TCF3: variants seen among roughly 807,000 people sequenced by gnomAD.
TCF3 encodes transcription factor 3, also known as transcription factor E2-alpha.
Under a neutral mutation model 72.3 loss-of-function variants are expected in TCF3, and 54 were observed. That is an observed-to-expected ratio of 0.75 (90% CI 0.60 to 0.94). The LOEUF is 0.94. Among genes scored for constraint, TCF3 ranks in the 40% least tolerant of loss-of-function variants. The pLI, the probability that TCF3 is intolerant of heterozygous loss-of-function variation, is 0.00. For missense variants in TCF3, 1,078 were observed against 934.4 expected, an observed-to-expected ratio of 1.15 and a Z score of -2.00; for synonymous variants, 525 against 412.6, an observed-to-expected ratio of 1.27 and a Z score of -3.30.
intron 7 of TCF3, 43 bp from the exon 8 acceptor site, chr19:1,624,043 GAAC>G (rs753885600): frequency 6.3e-6 from 10 of 1,595,334 alleles, no homozygotes; most frequent in African/African-American, 1.3e-5. Context: ...CCGGCCATGA[GAAC>G]AACCCCTGCC....
chr19:1,620,125 G>A (rs371433575), intron 13 of TCF3, among the ~76,000 whole-genome samples: 6 of 152,044 alleles, frequency 3.9e-5, no homozygotes, highest in Non-Finnish European at 5.9e-5. Context: ...AAAGTGGCTC[G>A]GCAGCACACA....
intron 5 of TCF3, among the ~76,000 whole-genome samples, chr19:1,627,756 G>T (rs991215641): frequency 6.6e-6 from 1 of 151,594 alleles, no homozygotes; most frequent in Non-Finnish European, 1.5e-5. Context: ...GGGGCGGAAA[G>T]GGGACAGCAG....
intron 3 of TCF3, among the ~76,000 whole-genome samples, chr19:1,634,420 G>C (rs900115128): frequency 6.6e-6 from 1 of 152,246 alleles, no homozygotes; most frequent in African/African-American, 2.4e-5. Flanking sequence ...TGCCTCGGGA[G>C]AGGCCTGCGA....
At position 1,615,391 on chromosome 19, in the gene TCF3, C is replaced by T; in HGVS notation, c.1716G>A (p.Leu572=). 1 of 1,614,114 alleles carries T rather than the reference C, an allele frequency of 6.2e-7. No individual in the cohort carries two copies. The highest frequency in any genetic ancestry group is 8.5e-7 in the Non-Finnish European group (1 of 1,180,000). The change falls in exon 18 of 19, where the codon CTG becomes CTA. Residue 572 remains leucine (L), a synonymous_variant. Coordinates refer to ENST00000262965, the MANE Select transcript of TCF3 (RefSeq NM_003200.5). This position sits in a 1 kb window ranked among gnomAD's most constrained non-coding sequence, Gnocchi z 7.3. ...TGAGGTGCAGTTGGCACATGCGCCC[C>T]AGCTCCTTAAAGGCCTCGTTGATGT... ...VRDINEAFKE[L]GRMCQLHLNS... is the part of the protein sequence containing the mutation.
chr19:1,624,086 T>C (rs1357095876), intron 7 of TCF3, 86 bp from the exon 8 acceptor site: 1 of 1,384,254 alleles, frequency 7.2e-7, no homozygotes. Flanking sequence ...CCCTCACAAT[T>C]CCCGTTTCAT....
chr19:1,631,996 A>T, intron 5 of TCF3, 42 bp downstream of exon 5: 4 of 1,601,330 alleles, frequency 2.5e-6, no homozygotes, highest in Non-Finnish European at 3.4e-6. Context: ...ACGTCTGCAC[A>T]TCTGTGCACA....
At chr19:1,630,956 G>A (rs531523779) in intron 5 of TCF3, among the ~76,000 whole-genome samples, 2 of 152,360 alleles carry the variant, frequency 1.3e-5, no homozygotes, top group Non-Finnish European at 2.9e-5. Flanking sequence ...GCAGCCCCAG[G>A]TGCCTGGAGG....
In TCF3 at chr19:1,610,719, A is replaced by G. The variant is rs113708250; in HGVS notation, c.*988T>C. The G allele has an allele frequency of 7.7e-3, 1,779 of 231,368 alleles. 37 individuals are homozygous for G. The highest frequency in any genetic ancestry group is 0.037 in the African/African-American group (1,667 of 45,256). 14.3% of individuals were successfully genotyped at this position (231,368 alleles called of 1,614,324 possible). A position where few individuals can be genotyped will look rare whatever the true frequency, so the allele number is the denominator to read the frequency against. ...CTTGGCAGAGTCACCTGGGAGGGTC[A>G]GAGCCACCTTGCTGACGTCCCTTCC... is the stretch of plus-strand genomic sequence containing the variant. On this transcript the variant is annotated 3_prime_UTR_variant, in exon 19 of 19. Coordinates refer to ENST00000262965, the MANE Select transcript of TCF3 (RefSeq NM_003200.5).
chr19:1,636,137 C>T (rs2064369280), intron 3 of TCF3, among the ~76,000 whole-genome samples: 1 of 152,148 alleles, frequency 6.6e-6, no homozygotes. Flanking sequence ...GTGGCCTTTC[C>T]TTGGGTGGAG....
At position 1,622,393 on chromosome 19, in the gene TCF3, T is replaced by C; in HGVS notation, c.572A>G (p.Glu191Gly). ...GGCGGTGGCATCCCTGCCGTAGTCC[T>C]CACCTGAGCTGGGTGGGTACACCTG... Reference protein sequence around the residue: ...PSSVYPPSSGEDYGRDATAYP... With the variant: ...PSSVYPPSSGGDYGRDATAYP... Residue 191 changes from glutamate (E) to glycine (G), a missense_variant, in exon 9 of 19, where the codon GAG becomes GGG. Transcript: ENST00000262965. 1 of 1,248,044 alleles carries C rather than the reference T, an allele frequency of 8.0e-7. No individual in the cohort carries two copies. The highest frequency in any genetic ancestry group is 4.4e-5 in the East Asian group (1 of 22,574). 77.3% of individuals were successfully genotyped at this position (1,248,044 alleles called of 1,614,324 possible). A position where few individuals can be genotyped will look rare whatever the true frequency, so the allele number is the denominator to read the frequency against.
chr19:1,639,754 A>G (rs1184699286), intron 3 of TCF3, among the ~76,000 whole-genome samples: 7 of 148,426 alleles, frequency 4.7e-5, no homozygotes, highest in Non-Finnish European at 1.0e-4. Context: ...AAATTAGGAA[A>G]AAAAAAAAAA....
chr19:1,650,119 T>C (rs2066779613), intron 2 of TCF3, 58 bp downstream of exon 2: 3 of 1,483,686 alleles, frequency 2.0e-6, no homozygotes, highest in East Asian at 2.5e-5. Flanking sequence ...CCTGAAAACC[T>C]TCCCGTGAAC....
intron 3 of TCF3, among the ~76,000 whole-genome samples, chr19:1,636,899 GCAGA>G (rs1044158958): frequency 3.3e-5 from 5 of 152,204 alleles, no homozygotes; most frequent in Non-Finnish European, 5.9e-5. Flanking sequence ...CCGCCCGCGA[GCAGA>G]CAAACCTGAG....
In TCF3 at chr19:1,612,428, G is replaced by A. The variant is rs187316941; in HGVS notation, c.1823-579C>T. 3.1e-4 allele frequency: 477 copies of A among 1,549,806 alleles called. 2 individuals are homozygous for A. The East Asian group carries it at 6.8e-3, about 22-fold the overall frequency. ...CTCCTCCAGGGACAGCACCTCGTCC[G>A]TACTGCTGGGTCACAGCACCGAGGC... On this transcript the variant is annotated intron_variant, in intron 18 of 18. Coordinates refer to ENST00000262965, the MANE Select transcript of TCF3 (RefSeq NM_003200.5).
rs1372512800 is a variant in TCF3, at chr19:1,622,217, C to A, written c.659G>T (p.Ser220Ile). Reference protein sequence around the residue: ...YPAPFYVADGSLHPSAELWSP... With the variant: ...YPAPFYVADGILHPSAELWSP... The stretch of plus-strand genomic sequence containing the variant: ...CCAGAGCTCGGCTGAGGGGTGCAGG[C>A]TGCCATCTGTGGAGGGGAGCTGGTA... Residue 220 changes from serine (S) to isoleucine (I), a missense_variant, in exon 10 of 19, where the codon AGC (serine) becomes ATC (isoleucine). Transcript: ENST00000262965. The A allele has an allele frequency of 1.3e-6, 2 of 1,549,366 alleles. No individual in the cohort carries two copies. The highest frequency in any genetic ancestry group is 1.7e-6 in the Non-Finnish European group (2 of 1,148,580).
chr19:1,627,773 C>CGG (rs1555743541), intron 5 of TCF3, among the ~76,000 whole-genome samples: 9 of 141,346 alleles, frequency 6.4e-5, no homozygotes, highest in Admixed American at 1.4e-4. Flanking sequence ...GCAGAGCTCA[C>CGG]GGGGTGAGGT....
intron 2 of TCF3, 136 bp downstream of exon 2, chr19:1,650,041 A>G (rs915233168): frequency 1.3e-5 from 11 of 862,136 alleles, no homozygotes; most frequent in Non-Finnish European, 1.6e-5. Flanking sequence ...CCACTCCCCC[A>G]GCCCCACCGG....
chr19:1,650,025 A>C (rs1404096756), intron 2 of TCF3, 152 bp downstream of exon 2: 19 of 710,240 alleles, frequency 2.7e-5, no homozygotes, highest in Non-Finnish European at 3.4e-5. Flanking sequence ...CCTGCCAGAG[A>C]GCGGCCCACT....
chr19:1,632,121 G>C lies in TCF3; in HGVS notation c.220-5C>G, dbSNP rs1456778481. Reference sequence around the variant, plus strand: ...GTGGGTGCCCTCGCTGAAGGTCTAGGGGAGATGGGGTGGGGATGAGAGGTG... The same window carrying C: ...GTGGGTGCCCTCGCTGAAGGTCTAGCGGAGATGGGGTGGGGATGAGAGGTG... On this transcript the variant is annotated splice_polypyrimidine_tract_variant and splice_region_variant and intron_variant, in intron 4 of 18. Transcript: ENST00000262965. 1.9e-6 allele frequency: 3 copies of C among 1,612,386 alleles called. No homozygotes were observed. Among genetic ancestry groups the C allele is most frequent in the Middle Eastern group, 1.7e-4 (1 of 6,038 alleles).
Sources: allele counts gnomAD v4.1 joint callset (sites outside exome capture counted in the v4.1 genomes callset), GRCh38; gene constraint gnomAD v4.1.1; non-coding constraint Gnocchi (gnomAD v3.1); transcripts MANE v1.5; gene names NCBI Gene and HGNC (gene_info 2026-07-23, HGNC 2026-07-21).